NCAPD3: variants seen among roughly 807,000 people sequenced by gnomAD.
The protein encoded by NCAPD3 is non-SMC condensin II complex subunit D3.
A neutral mutation model predicts 182.9 loss-of-function variants in NCAPD3; 105 were observed. The observed-to-expected ratio is 0.57, with a 90% confidence interval of 0.49 to 0.68. The LOEUF (loss-of-function observed/expected upper bound fraction) is 0.68. Among genes scored for constraint, NCAPD3 ranks in the 30% least tolerant of loss-of-function variants. NCAPD3 has a pLI of 0.00. For synonymous variants in NCAPD3, 815 were observed against 679.9 expected (o/e 1.20, Z -3.09); for missense variants, 1,944 against 1,837.0 (o/e 1.06, Z -1.07).
chr11:134,206,537 T>C (rs1022787026), intron 8 of NCAPD3, 62 bp downstream of exon 8: 5 of 1,583,434 alleles, frequency 3.2e-6, no homozygotes, highest in Non-Finnish European at 1.7e-6. Context: ...GAAATCTTAG[T>C]GCAGGGCCCA....
chr11:134,203,574 C>T, intron 11 of NCAPD3, 80 bp downstream of exon 11: 1 of 1,536,536 alleles, frequency 6.5e-7, no homozygotes, highest in Non-Finnish European at 8.8e-7. Flanking sequence ...ACTTTTGCCA[C>T]AGAAAAGAAC....
chr11:134,154,082 G>A (rs541692334), intron 32 of NCAPD3: 3 of 152,612 alleles, frequency 2.0e-5, no homozygotes, highest in South Asian at 2.1e-4. Flanking sequence ...AGACCCTCAG[G>A]TTTCTTCATC....
chr11:134,168,371 G>A (rs1237204461), intron 26 of NCAPD3, 98 bp downstream of exon 26: 9 of 1,554,276 alleles, frequency 5.8e-6, no homozygotes, highest in Non-Finnish European at 8.0e-6. Flanking sequence ...TCTTCCTGCA[G>A]TGCCAGGGTC....
chr11:134,152,818 T>G lies in NCAPD3; in HGVS notation c.*126A>C. 2 of 718,314 alleles carry G rather than the reference T, an allele frequency of 2.8e-6. No homozygotes were observed. The highest frequency in any genetic ancestry group is 4.7e-6 in the Non-Finnish European group (2 of 426,762). 44.5% of individuals were successfully genotyped at this position (718,314 alleles called of 1,614,324 possible). A position where few individuals can be genotyped will look rare whatever the true frequency, so the allele number is the denominator to read the frequency against. Reference sequence around the variant, plus strand: ...GAGTGCCAGGCCCCTGAGGAGGAGCTCTCGTGTTCCACAGCAAAGCGCTGC... The same window carrying G: ...GAGTGCCAGGCCCCTGAGGAGGAGCGCTCGTGTTCCACAGCAAAGCGCTGC... On this transcript the variant is annotated 3_prime_UTR_variant, in exon 35 of 35. Coordinates refer to ENST00000534548, the MANE Select transcript of NCAPD3 (RefSeq NM_015261.3).
intron 2 of NCAPD3, among the ~76,000 whole-genome samples, chr11:134,217,546 G>A (rs972702601): frequency 1.3e-5 from 2 of 152,126 alleles, no homozygotes; most frequent in Non-Finnish European, 2.9e-5. Context: ...TGCAGGCAAT[G>A]GGAGCAGGAA....
chr11:134,163,106 A>T (rs1222599774), intron 27 of NCAPD3, among the ~76,000 whole-genome samples: 1 of 152,186 alleles, frequency 6.6e-6, no homozygotes, highest in East Asian at 1.9e-4. Context: ...GGTATGGGAA[A>T]GGTGGAAGGC....
intron 27 of NCAPD3, among the ~76,000 whole-genome samples, chr11:134,164,935 G>A (rs187249648): frequency 5.3e-5 from 8 of 151,858 alleles, no homozygotes; most frequent in African/African-American, 1.4e-4. Context: ...GAGCTTAGGG[G>A]GAGGGGCACA....
intron 25 of NCAPD3, 71 bp from the exon 26 acceptor site, chr11:134,168,673 A>G (rs1591830983): frequency 1.6e-5 from 25 of 1,587,250 alleles, no homozygotes; most frequent in Middle Eastern, 1.7e-4. Context: ...CTGCACTTTA[A>G]CTGCATCCTA....
intron 24 of NCAPD3, among the ~76,000 whole-genome samples, chr11:134,170,968 A>G (rs887434113): frequency 3.3e-5 from 5 of 152,228 alleles, no homozygotes; most frequent in African/African-American, 9.7e-5. Flanking sequence ...TAATTGGAGA[A>G]GAGGGACTAT....
chr11:134,158,904 T>C (rs193098997), intron 29 of NCAPD3, among the ~76,000 whole-genome samples: 2 of 152,314 alleles, frequency 1.3e-5, no homozygotes, highest in Non-Finnish European at 1.5e-5. Flanking sequence ...GGCTCACATA[T>C]ATGAATGAGA....
chr11:134,168,538 AT>A lies in NCAPD3; in HGVS notation c.3303del (p.Lys1101AsnfsTer4), dbSNP rs1387406660. 6.2e-7 allele frequency: 1 copy of A among 1,614,136 alleles called. No homozygotes were observed. The highest frequency in any genetic ancestry group is 2.2e-5 in the East Asian group (1 of 44,884). On this transcript the variant is annotated frameshift_variant, in exon 26 of 35. Coordinates refer to ENST00000534548, the MANE Select transcript of NCAPD3 (RefSeq NM_015261.3). LOFTEE classifies it high-confidence loss of function. ...SNKERRMKIY[K>X]FLLEHFTDEQ... ...TCATCTGTGAAGTGCTCTAGAAGAA[AT>A]TTGTAGATTTTCATTCGTCTCTCTT...
chr11:134,170,847 C>A (rs928049277), intron 24 of NCAPD3, among the ~76,000 whole-genome samples: 5 of 152,318 alleles, frequency 3.3e-5, no homozygotes, highest in African/African-American at 1.2e-4. Flanking sequence ...GAAGCCACAG[C>A]CAATGTGTGA....
At chr11:134,158,301 C>G in intron 30 of NCAPD3, 28 bp downstream of exon 30, 4 of 1,613,010 alleles carry the variant, frequency 2.5e-6, no homozygotes, top group Non-Finnish European at 3.4e-6. Context: ...GAGAACCAGC[C>G]CTGATGTGGC....
Position 134,150,728 on chromosome 11 carries a change from C to T in NCAPD3, c.*2216G>A. On this transcript the variant is annotated 3_prime_UTR_variant, in exon 35 of 35. Coordinates refer to ENST00000534548, the MANE Select transcript of NCAPD3 (RefSeq NM_015261.3). ...AAATCAAGTCTGTCAAGTACAATAA[C>T]ATTTTTAAAAGAAAATGGATCCCAC... 6.6e-6 allele frequency: 1 copy of T among 151,972 alleles called. No individual in the cohort carries two copies. Among genetic ancestry groups the T allele is most frequent in the Non-Finnish European group, 1.5e-5 (1 of 67,996 alleles). The allele number at this position is 151,972 out of a possible 1,614,324, so 9.4% of individuals were successfully genotyped here.
At position 134,208,908 on chromosome 11, in the gene NCAPD3, CATA is replaced by C. The variant is rs1423656227; in HGVS notation, c.835_837del (p.Tyr279del). Reference sequence around the variant, plus strand: ...ATGGGAGAGCACAGCAAATACAATCCATAATAAGCCAGTTCTGGTATGTATTTT... The same window carrying C: ...ATGGGAGAGCACAGCAAATACAATCCATAAGCCAGTTCTGGTATGTATTTT... On this transcript the variant is annotated inframe_deletion, in exon 7 of 35. Coordinates refer to ENST00000534548, the MANE Select transcript of NCAPD3 (RefSeq NM_015261.3). 2 of 1,612,364 alleles carry C rather than the reference CATA, an allele frequency of 1.2e-6. No individual in the cohort carries two copies. The highest frequency in any genetic ancestry group is 1.3e-5 in the African/African-American group (1 of 74,714).
chr11:134,185,045 C>T (rs755397086), intron 17 of NCAPD3, 45 bp from the exon 18 acceptor site: 2 of 1,426,756 alleles, frequency 1.4e-6, no homozygotes, highest in African/African-American at 2.8e-5. Flanking sequence ...GCAAGTTAAA[C>T]ACTGCTGCCA....
chr11:134,199,469 A>G (rs1299675574), intron 13 of NCAPD3, among the ~76,000 whole-genome samples: 2 of 152,190 alleles, frequency 1.3e-5, no homozygotes, highest in African/African-American at 2.4e-5. Flanking sequence ...TGATTTTGCA[A>G]TAATGTGACA....
upstream of NCAPD3, chr11:134,224,139 A>G: frequency 1.6e-6 from 1 of 616,028 alleles, no homozygotes; most frequent in Non-Finnish European, 2.9e-6. Flanking sequence ...AAGCCAAACA[A>G]GGCTCCTGCG....
At chr11:134,185,310 A>C (rs1211372205) in intron 17 of NCAPD3, 25 bp downstream of exon 17, 3 of 1,564,704 alleles carry the variant, frequency 1.9e-6, no homozygotes, top group Non-Finnish European at 2.6e-6. Context: ...CAGTGTCATT[A>C]CTGGTTAAAT....
Sources: gnomAD v4.1 joint callset for allele counts (sites outside exome capture counted in the v4.1 genomes callset) on GRCh38, gnomAD v4.1.1 for gene constraint, MANE v1.5 for transcripts, NCBI Gene and HGNC (gene_info 2026-07-23, HGNC 2026-07-21) for gene names.